SNAP91: variants seen among roughly 807,000 people sequenced by gnomAD.
SNAP91 encodes the protein synaptosome associated protein 91, also known as clathrin coat assembly protein AP180.
A neutral mutation model predicts 100.3 loss-of-function variants in SNAP91; 27 were observed. The ratio of observed to expected loss-of-function variants is 0.27; its 90% CI spans 0.20 to 0.37. The LOEUF is 0.37. Among genes scored for constraint, SNAP91 ranks in the 10% least tolerant of loss-of-function variants. The pLI, the probability that SNAP91 is intolerant of heterozygous loss-of-function variation, is 1.00. For missense variants in SNAP91, 986 were observed against 1,123.7 expected, an observed-to-expected ratio of 0.88 and a Z score of 1.75; for synonymous variants, 404 against 398.6, an observed-to-expected ratio of 1.01 and a Z score of -0.16.
chr6:83,593,225 C>G lies in SNAP91; in HGVS notation c.1731G>C (p.Ala577=). ...LFESTPEVAA[A]PKPDAAPSID... is the part of the protein sequence containing the mutation. ...TGCTAGGAGCAGCATCTGGCTTAGG[C>G]GCTGCAGCAACTTCAGGAGTGGACT... Residue 577 remains alanine, a synonymous_variant, in exon 19 of 30, where the codon GCG becomes GCC. Transcript: ENST00000369694. 6.3e-7 allele frequency: 1 copy of G among 1,595,992 alleles called. No individual in the cohort carries two copies. Among genetic ancestry groups the G allele is most frequent in the Non-Finnish European group, 8.5e-7 (1 of 1,170,810 alleles).
chr6:83,675,180 T>C (rs1255624602), intron 2 of SNAP91, among the ~76,000 whole-genome samples: 1 of 152,188 alleles, frequency 6.6e-6, no homozygotes, highest in Non-Finnish European at 1.5e-5. Context: ...TCTAAGCTTA[T>C]AGAGATAAAG....
intron 2 of SNAP91, chr6:83,686,104 A>C (rs1255247118): frequency 1.1e-6 from 1 of 928,418 alleles, no homozygotes; most frequent in Non-Finnish European, 1.3e-6. Flanking sequence ...TTTGTTGTGA[A>C]CCTGGAACAT....
intron 26 of SNAP91, among the ~76,000 whole-genome samples, chr6:83,568,095 A>T (rs10755431): frequency 1.3e-5 from 2 of 150,900 alleles, no homozygotes; most frequent in African/African-American, 4.9e-5. Flanking sequence ...GGAACCAACC[A>T]AAATGTCCAA....
chr6:83,636,246 T>A (rs1375501372), intron 8 of SNAP91, among the ~76,000 whole-genome samples: 1 of 152,216 alleles, frequency 6.6e-6, no homozygotes, highest in Non-Finnish European at 1.5e-5. Context: ...GTGGATTATA[T>A]CCTCAAATAT....
At chr6:83,640,286 A>G (rs2097642239) in intron 8 of SNAP91, among the ~76,000 whole-genome samples, 1 of 152,158 alleles carries the variant, frequency 6.6e-6, no homozygotes, top group African/African-American at 2.4e-5. Context: ...GTATATTCTC[A>G]AAATGACAAA....
At chr6:83,613,237 A>G (rs2096265491) in intron 11 of SNAP91, among the ~76,000 whole-genome samples, 1 of 152,154 alleles carries the variant, frequency 6.6e-6, no homozygotes, top group African/African-American at 2.4e-5. Context: ...TTAATTCTCT[A>G]TCTTCTTCAC....
intron 8 of SNAP91, among the ~76,000 whole-genome samples, chr6:83,633,538 G>A (rs889195971): frequency 6.6e-6 from 1 of 152,100 alleles, no homozygotes; most frequent in Non-Finnish European, 1.5e-5. Context: ...ACTTTCCTTG[G>A]GCGGGTCTTG....
chr6:83,670,742 C>T (rs1470465009), intron 2 of SNAP91, among the ~76,000 whole-genome samples: 1 of 151,062 alleles, frequency 6.6e-6, no homozygotes, highest in Non-Finnish European at 1.5e-5. Context: ...TTTCCAATGC[C>T]ATTTGCTGAA....
intron 17 of SNAP91, 113 bp from the exon 18 acceptor site, chr6:83,593,854 T>C: frequency 1.4e-6 from 2 of 1,417,852 alleles, no homozygotes. Flanking sequence ...ACTAGCTAGG[T>C]GTGAGGCTCC....
At chr6:83,592,921 G>T (rs1297385726) in intron 20 of SNAP91, 25 bp downstream of exon 20, 3 of 1,542,042 alleles carry the variant, frequency 1.9e-6, no homozygotes, top group Non-Finnish European at 2.6e-6. Context: ...CATCTCTGAA[G>T]TCCTGACCTT....
intron 27 of SNAP91, 89 bp downstream of exon 27, chr6:83,560,775 T>C: frequency 8.6e-7 from 1 of 1,158,506 alleles, no homozygotes; most frequent in South Asian, 1.3e-5. Flanking sequence ...TTGGGAAAAA[T>C]TATATTCTGT....
At chr6:83,685,670 C>T (rs1242453380) in intron 2 of SNAP91, among the ~76,000 whole-genome samples, 1 of 152,144 alleles carries the variant, frequency 6.6e-6, no homozygotes, top group East Asian at 1.9e-4. Context: ...TCCTACCAAC[C>T]TTGCAGAACC....
At chr6:83,698,342 AG>A (rs1469245743) in intron 2 of SNAP91, among the ~76,000 whole-genome samples, 2 of 151,158 alleles carry the variant, frequency 1.3e-5, no homozygotes, top group African/African-American at 4.9e-5. Context: ...AAAAAAAAAA[AG>A]AAAGAAATTG....
chr6:83,615,583 A>G (rs1194902836), intron 10 of SNAP91, among the ~76,000 whole-genome samples: 2 of 152,124 alleles, frequency 1.3e-5, no homozygotes, highest in East Asian at 3.9e-4. Context: ...GGCCACGCTG[A>G]GATTGGAGGC....
At chr6:83,647,175 C>T (rs1319481397) in intron 7 of SNAP91, among the ~76,000 whole-genome samples, 1 of 151,318 alleles carries the variant, frequency 6.6e-6, no homozygotes, top group Non-Finnish European at 1.5e-5. Flanking sequence ...AATCTGTATA[C>T]CTTTCATCTC....
intron 26 of SNAP91, among the ~76,000 whole-genome samples, chr6:83,574,665 TATAA>T (rs1311401599): frequency 6.6e-6 from 1 of 152,124 alleles, no homozygotes; most frequent in African/African-American, 2.4e-5. Context: ...AATATGGAAG[TATAA>T]ATATTAATTA....
intron 2 of SNAP91, among the ~76,000 whole-genome samples, chr6:83,700,784 G>A (rs2099285334): frequency 6.6e-6 from 1 of 151,980 alleles, no homozygotes; most frequent in African/African-American, 2.4e-5. Flanking sequence ...TTTTTATAGA[G>A]ATGGAGTCTC....
chr6:83,689,994 A>G (rs80269559), intron 2 of SNAP91, among the ~76,000 whole-genome samples: 1 of 151,560 alleles, frequency 6.6e-6, no homozygotes, highest in Non-Finnish European at 1.5e-5. Context: ...TTCTCATTTT[A>G]TAAATTAAAA....
chr6:83,697,460 A>C (rs764137728), intron 2 of SNAP91, among the ~76,000 whole-genome samples: 1 of 151,924 alleles, frequency 6.6e-6, no homozygotes, highest in Non-Finnish European at 1.5e-5. Flanking sequence ...ATATGCTTTA[A>C]ATTCACAACC....
Sources: gnomAD v4.1 joint callset for allele counts (sites outside exome capture counted in the v4.1 genomes callset) on GRCh38, gnomAD v4.1.1 for gene constraint, MANE v1.5 for transcripts, NCBI Gene and HGNC (gene_info 2026-07-23, HGNC 2026-07-21) for gene names.